Variants in NBEA observed in about 807,000 individuals in gnomAD.
NBEA encodes neurobeachin.
NBEA carries 44 observed loss-of-function variants against 343.4 expected under a neutral mutation model. That is an observed-to-expected ratio of 0.13 (90% CI 0.10 to 0.16). The LOEUF is 0.16. Among genes scored for constraint, NBEA ranks in the 10% least tolerant of loss-of-function variants. NBEA has a pLI of 1.00. For synonymous variants in NBEA, 1,175 were observed against 1,238.7 expected (o/e 0.95, Z 1.08); for missense variants, 2,555 against 3,631.3 (o/e 0.70, Z 7.62).
chr13:34,996,956 A>G (rs551263140), intron 1 of NBEA, among the ~76,000 whole-genome samples: 30 of 152,286 alleles, frequency 2.0e-4, no homozygotes, highest in African/African-American at 7.0e-4. Context: ...CCTGTATTCA[A>G]AGTAGTGTGG....
At chr13:35,008,322 T>A (rs1242520313) in intron 1 of NBEA, among the ~76,000 whole-genome samples, 1 of 152,218 alleles carries the variant, frequency 6.6e-6, no homozygotes, top group Non-Finnish European at 1.5e-5. Context: ...AATCTACGGA[T>A]GCTCTAATCC....
chr13:35,351,561 AC>A (rs2040202575), intron 37 of NBEA, among the ~76,000 whole-genome samples: 1 of 151,960 alleles, frequency 6.6e-6, no homozygotes, highest in African/African-American at 2.4e-5. Flanking sequence ...AACCCTTTGA[AC>A]ACATTACATT....
At chr13:35,422,628 T>A (rs2044368635) in intron 38 of NBEA, among the ~76,000 whole-genome samples, 1 of 152,198 alleles carries the variant, frequency 6.6e-6, no homozygotes, top group South Asian at 2.1e-4. Flanking sequence ...TGTGTCTTTA[T>A]AGCAGCATGA....
At chr13:35,238,543 C>A (rs1221106716) in intron 34 of NBEA, among the ~76,000 whole-genome samples, 1 of 152,182 alleles carries the variant, frequency 6.6e-6, no homozygotes, top group Non-Finnish European at 1.5e-5. Context: ...CATCATCTAA[C>A]TATAGTCACT....
chr13:35,295,033 A>C (rs868265242), intron 35 of NBEA, among the ~76,000 whole-genome samples: 39 of 150,664 alleles, frequency 2.6e-4, no homozygotes, highest in Non-Finnish European at 5.2e-4. Context: ...ATACACTAAC[A>C]CTAATGACAG....
intron 1 of NBEA, among the ~76,000 whole-genome samples, chr13:34,946,764 C>T (rs2059197151): frequency 6.8e-6 from 1 of 146,378 alleles, no homozygotes; most frequent in Non-Finnish European, 1.5e-5. Flanking sequence ...TAATAAGATG[C>T]TTTGAAGGGA....
intron 1 of NBEA, among the ~76,000 whole-genome samples, chr13:34,961,001 C>T (rs1048362805): frequency 6.6e-6 from 1 of 151,984 alleles, no homozygotes. Flanking sequence ...TGCTGCCAAA[C>T]TCTGAAATAA....
At chr13:35,537,813 A>G (rs2078631347) in intron 41 of NBEA, among the ~76,000 whole-genome samples, 1 of 152,218 alleles carries the variant, frequency 6.6e-6, no homozygotes, top group Non-Finnish European at 1.5e-5. Flanking sequence ...TCAAGGGCAA[A>G]GTGGAACCTG....
intron 41 of NBEA, among the ~76,000 whole-genome samples, chr13:35,512,941 G>A (rs769525799): frequency 6.6e-6 from 1 of 152,042 alleles, no homozygotes; most frequent in Admixed American, 6.5e-5. Context: ...TCTAAGTTGT[G>A]CTTTGGGAAA....
intron 53 of NBEA, among the ~76,000 whole-genome samples, chr13:35,653,328 CTTTTTTT>C (rs139682136): frequency 2.6e-5 from 3 of 114,030 alleles, no homozygotes; most frequent in Non-Finnish European, 3.6e-5. Flanking sequence ...TTCTTGGGTT[CTTTTTTT>C]TTTTTTTTTT....
intron 38 of NBEA, among the ~76,000 whole-genome samples, chr13:35,424,784 T>C (rs912095081): frequency 1.3e-5 from 2 of 152,144 alleles, no homozygotes; most frequent in East Asian, 1.9e-4. Flanking sequence ...GGTCCTGGAC[T>C]TTTTTTTCGT....
intron 40 of NBEA, among the ~76,000 whole-genome samples, chr13:35,460,916 C>T (rs1193263857): frequency 6.6e-6 from 1 of 152,196 alleles, no homozygotes; most frequent in East Asian, 1.9e-4. Flanking sequence ...GGTAGGGACT[C>T]TCTGCAGAGT....
At chr13:35,102,035 A>G (rs1057292050) in intron 11 of NBEA, among the ~76,000 whole-genome samples, 3 of 151,706 alleles carry the variant, frequency 2.0e-5, no homozygotes, top group Admixed American at 6.6e-5. Context: ...ATTTAGATCT[A>G]TAATCTATCT....
At chr13:35,396,380 T>G (rs1244101685) in intron 38 of NBEA, among the ~76,000 whole-genome samples, 1 of 152,180 alleles carries the variant, frequency 6.6e-6, no homozygotes, top group Non-Finnish European at 1.5e-5. Flanking sequence ...TTTTTTGAAT[T>G]ATATGAATAT....
At chr13:34,995,674 T>C (rs2060915416) in intron 1 of NBEA, among the ~76,000 whole-genome samples, 1 of 152,172 alleles carries the variant, frequency 6.6e-6, no homozygotes, top group Non-Finnish European at 1.5e-5. Context: ...ATCAGCTGAC[T>C]GTCAACAGTT....
intron 33 of NBEA, among the ~76,000 whole-genome samples, chr13:35,212,000 TAC>T (rs3048222): frequency 0.7 from 104,603 of 149,588 alleles, 36,467 homozygotes; most frequent in South Asian, 0.79. Context: ...TGTATACGTG[TAC>T]ACACACACAC....
intron 36 of NBEA, among the ~76,000 whole-genome samples, chr13:35,324,366 A>G (rs546557206): frequency 2.0e-5 from 3 of 152,350 alleles, no homozygotes; most frequent in African/African-American, 7.2e-5. Flanking sequence ...ACTGATTTAT[A>G]TTCCTCATGT....
intron 1 of NBEA, among the ~76,000 whole-genome samples, chr13:35,034,341 G>A (rs1489642925): frequency 1.3e-5 from 2 of 152,078 alleles, no homozygotes; most frequent in East Asian, 3.9e-4. Flanking sequence ...AACCGTCCTT[G>A]TATCCCAGGG....
chr13:35,154,694 A>G (rs1287156695), intron 18 of NBEA, among the ~76,000 whole-genome samples: 1 of 152,234 alleles, frequency 6.6e-6, no homozygotes, highest in African/African-American at 2.4e-5. Context: ...TTAGTGGGAA[A>G]GTTAGTAAAT....
Sources: gnomAD v4.1 joint callset for allele counts (sites outside exome capture counted in the v4.1 genomes callset) on GRCh38, gnomAD v4.1.1 for gene constraint, MANE v1.5 for transcripts, NCBI Gene and HGNC (gene_info 2026-07-23, HGNC 2026-07-21) for gene names.